Variants in ECPAS observed in about 807,000 individuals in gnomAD.
ECPAS encodes the protein Ecm29 proteasome adaptor and scaffold, also known as proteasome adapter and scaffold protein ECM29.
ECPAS carries 70 observed loss-of-function variants against 255.1 expected under a neutral mutation model. That is an observed-to-expected ratio of 0.27 (90% confidence interval 0.23 to 0.33). ECPAS has a LOEUF of 0.33. Among genes scored for constraint, ECPAS ranks in the 10% least tolerant of loss-of-function variants. ECPAS has a pLI of 1.00. For synonymous variants in ECPAS, 784 were observed against 775.0 expected (o/e 1.01, Z -0.19); for missense variants, 1,817 against 2,206.4 (o/e 0.82, Z 3.54).
At chr9:111,413,511 T>A (rs1240403182) in intron 20 of ECPAS, among the ~76,000 whole-genome samples, 3 of 152,196 alleles carry the variant, frequency 2.0e-5, no homozygotes, top group Non-Finnish European at 4.4e-5. Flanking sequence ...CACTTATATA[T>A]GTTTGTCAGA....
rs746729847 is a variant in ECPAS, at chr9:111,386,327, G to A, written c.3527+50C>T. ...GTATAAAACCTAGAAATTTTGAAGGGAAAAAAATTCAGTTTTATTTGACTA... is the reference window on the plus strand; with the variant it reads ...GTATAAAACCTAGAAATTTTGAAGGAAAAAAAATTCAGTTTTATTTGACTA... On this transcript the variant is annotated intron_variant, in intron 32 of 49. Transcript: ENST00000684092. 25 of 1,198,146 alleles carry A rather than the reference G, an allele frequency of 2.1e-5. 1 individual carries two copies. In the South Asian group the frequency reaches 3.3e-4, roughly 16 times the overall value. 74.2% of individuals were successfully genotyped at this position (1,198,146 alleles called of 1,614,324 possible). A position where few individuals can be genotyped will look rare whatever the true frequency, so the allele number is the denominator to read the frequency against.
Position 111,363,845 on chromosome 9 carries a change from CCA to C in ECPAS, c.5309-188_5309-187del, listed in dbSNP as rs1303018827. ...AAATACTTGAAATGTGTGCTAATGT[CCA>C]CAGTCTTTACTTTGGAAAAACAAAA... is the stretch of plus-strand genomic sequence containing the variant. On this transcript the variant is annotated intron_variant, in intron 48 of 49. Transcript: ENST00000684092. Among the ~76,000 whole-genome samples the C allele has an allele frequency of 2.6e-5, 4 of 151,994 alleles. No homozygotes were observed. In the East Asian group the frequency reaches 5.8e-4, roughly 22 times the overall value.
At chr9:111,418,070 G>A in intron 16 of ECPAS, 64 bp from the exon 17 acceptor site, 1 of 1,429,750 alleles carries the variant, frequency 7.0e-7, no homozygotes, top group South Asian at 1.4e-5. Flanking sequence ...ATCATTTGAA[G>A]AATAAGAACA....
In ECPAS at chr9:111,371,602, G is replaced by C. The variant is rs1183052868; in HGVS notation, c.4737+19C>G. ...ATGAAGTCAGAATCCCTTTAACTGGGTATGAATGGTTCCTTTACCTTTCCT... is the reference window on the plus strand; with the variant it reads ...ATGAAGTCAGAATCCCTTTAACTGGCTATGAATGGTTCCTTTACCTTTCCT... On this transcript the variant is annotated intron_variant, in intron 43 of 49. Coordinates refer to ENST00000684092, the MANE Select transcript of ECPAS (RefSeq NM_001364929.1). 1 of 1,599,746 alleles carries C rather than the reference G, an allele frequency of 6.3e-7. No homozygotes were observed. The highest frequency in any genetic ancestry group is 8.6e-7 in the Non-Finnish European group (1 of 1,167,848).
chr9:111,365,296 T>TCAA (rs1197390964), intron 48 of ECPAS, among the ~76,000 whole-genome samples: 4 of 100,022 alleles, frequency 4.0e-5, no homozygotes, highest in Non-Finnish European at 9.0e-5. Flanking sequence ...ATTATCATCA[T>TCAA]CATCATCATC....
At chr9:111,448,777 C>T (rs532747543) in intron 3 of ECPAS, among the ~76,000 whole-genome samples, 19 of 152,246 alleles carry the variant, frequency 1.2e-4, no homozygotes, top group African/African-American at 4.1e-4. Context: ...TAAAACCAGG[C>T]AAATTTTATA....
intron 7 of ECPAS, among the ~76,000 whole-genome samples, 196 bp from the exon 8 acceptor site, chr9:111,433,568 A>G (rs2098233254): frequency 6.6e-6 from 1 of 152,214 alleles, no homozygotes; most frequent in East Asian, 1.9e-4. Context: ...AATCCTCACA[A>G]TAATAAATCA....
In ECPAS at chr9:111,366,572, C is replaced by A. The variant is rs754712116; in HGVS notation, c.5169G>T (p.Thr1723=). Residue 1723 remains threonine (T), a synonymous_variant, in exon 47 of 50, where the codon ACG becomes ACT. Coordinates refer to ENST00000684092, the MANE Select transcript of ECPAS (RefSeq NM_001364929.1). ...KLMCERLKLS[T]WKVQLGVLQS... is the part of the protein sequence containing the mutation. ...GCAGGACTCCTAGCTGCACTTTCCA[C>A]GTGCTGAGTTTTAGCCGTTCACACA... The A allele has an allele frequency of 1.2e-6, 2 of 1,613,300 alleles. No homozygotes were observed. The highest frequency in any genetic ancestry group is 2.7e-5 in the African/African-American group (2 of 74,892).
chr9:111,445,975 G>A (rs1055561555), intron 3 of ECPAS, among the ~76,000 whole-genome samples: 7 of 152,156 alleles, frequency 4.6e-5, no homozygotes, highest in Non-Finnish European at 5.9e-5. Flanking sequence ...ATGGTTTCCA[G>A]CTTCATCCAT....
intron 49 of ECPAS, among the ~76,000 whole-genome samples, chr9:111,363,364 C>T (rs1276064172): frequency 6.6e-6 from 1 of 152,076 alleles, no homozygotes; most frequent in Non-Finnish European, 1.5e-5. Flanking sequence ...TTTAAGACAA[C>T]TATAGCTTAA....
At chr9:111,380,328 GT>G (rs1247286345) in intron 35 of ECPAS, among the ~76,000 whole-genome samples, 1 of 152,000 alleles carries the variant, frequency 6.6e-6, no homozygotes, top group African/African-American at 2.4e-5. Context: ...TTTGGTTTTT[GT>G]TTTGTTGTTA....
intron 6 of ECPAS, among the ~76,000 whole-genome samples, chr9:111,439,058 T>C (rs1004208988): frequency 3.9e-5 from 6 of 152,126 alleles, no homozygotes; most frequent in African/African-American, 1.4e-4. Context: ...CAAAGCTACA[T>C]GAAATAGGTC....
intron 2 of ECPAS, among the ~76,000 whole-genome samples, chr9:111,472,071 T>C (rs1336602704): frequency 6.6e-6 from 1 of 151,536 alleles, no homozygotes; most frequent in Non-Finnish European, 1.5e-5. Flanking sequence ...CACTGCACTC[T>C]AGCCTGGGCA....
intron 2 of ECPAS, among the ~76,000 whole-genome samples, chr9:111,472,599 C>A (rs1239292041): frequency 1.3e-5 from 2 of 150,272 alleles, no homozygotes; most frequent in African/African-American, 4.9e-5. Flanking sequence ...ATGACTGCCC[C>A]ACTGCACTCC....
At chr9:111,424,674 T>C (rs1327794310) in intron 12 of ECPAS, among the ~76,000 whole-genome samples, 1 of 152,160 alleles carries the variant, frequency 6.6e-6, no homozygotes, top group African/African-American at 2.4e-5. Context: ...TTTGAATCAT[T>C]AAAATCTCAG....
rs1230636420 is a variant in ECPAS, at chr9:111,440,353, C to T, written c.539+19G>A. The T allele has an allele frequency of 5.7e-6, 9 of 1,580,442 alleles. No individual in the cohort carries two copies. Among genetic ancestry groups the T allele is most frequent in the South Asian group, 1.2e-5 (1 of 86,564 alleles). ...GTAAAAGCAGTCAAGAACAAGGTTG[C>T]TTTTATTTTTTAACTCACCCATAAG... On this transcript the variant is annotated intron_variant, in intron 6 of 49. Coordinates refer to ENST00000684092, the MANE Select transcript of ECPAS (RefSeq NM_001364929.1).
In ECPAS at chr9:111,372,111, A is replaced by G. The variant is rs73533509; in HGVS notation, c.4529-282T>C. Among the ~76,000 whole-genome samples the G allele has an allele frequency of 3.0e-3, 463 of 152,322 alleles. 3 individuals carry two copies. Among genetic ancestry groups the G allele is most frequent in the African/African-American group, 0.01 (419 of 41,572 alleles). ...AACACATTTAGAAAACTACTCTAAAATACTCTAAGGCCACATAAAATCACA... is the reference window on the plus strand; with the variant it reads ...AACACATTTAGAAAACTACTCTAAAGTACTCTAAGGCCACATAAAATCACA... On this transcript the variant is annotated intron_variant, in intron 42 of 49. Coordinates refer to ENST00000684092, the MANE Select transcript of ECPAS (RefSeq NM_001364929.1).
rs142333113 is a variant in ECPAS at position 111,472,706 on chromosome 9, G to T, written c.22+191C>A. Among the ~76,000 whole-genome samples the T allele has an allele frequency of 3.7e-3, 551 of 149,752 alleles. 2 individuals are homozygous for T. Among genetic ancestry groups the T allele is most frequent in the African/African-American group, 0.013 (534 of 40,826 alleles). On this transcript the variant is annotated intron_variant, in intron 2 of 49. Coordinates refer to ENST00000684092, the MANE Select transcript of ECPAS (RefSeq NM_001364929.1). ...TTTTTGCAAATTATTTTTATGTTTA[G>T]CATTACAGAGAATAGAGGCTTCAGG...
Position 111,411,081 on chromosome 9 carries a change from G to A in ECPAS, c.2276C>T (p.Ala759Val). ...CTCTGACATTCTCATTTTCTTTTTA[G>A]CCAAATACCTTCCCACCGTGAATCC... ...ALGFTVGRYL[A>V]KKKMRMSEQQ... Residue 759 changes from alanine to valine, a missense_variant, in exon 22 of 50, where the codon GCT (alanine) becomes GTT (valine). By Grantham distance (64) the Ala-to-Val change is moderately conservative. This residue lies in a region of ECPAS where 194 missense variants were observed against 152.8 expected (regional missense o/e 1.27). Coordinates refer to ENST00000684092, the MANE Select transcript of ECPAS (RefSeq NM_001364929.1). 1 of 1,613,616 alleles carries A rather than the reference G, an allele frequency of 6.2e-7. No homozygotes were observed.
Sources: allele counts gnomAD v4.1 joint callset (sites outside exome capture counted in the v4.1 genomes callset), GRCh38; gene constraint gnomAD v4.1.1; regional missense constraint gnomAD v4.1.1; transcripts MANE v1.5; gene names NCBI Gene and HGNC (gene_info 2026-07-23, HGNC 2026-07-21).